NUP160: variants seen among roughly 807,000 people sequenced by gnomAD.
NUP160 encodes the protein nucleoporin 160.
NUP160 carries 94 observed loss-of-function variants against 196.9 expected under a neutral mutation model. The ratio of observed to expected loss-of-function variants is 0.48; its 90% CI spans 0.40 to 0.57. The LOEUF is 0.57. Ranked by LOEUF, NUP160 falls within the 20% of genes least tolerant of loss-of-function variation. The pLI is 0.00. For synonymous variants in NUP160, 605 were observed against 619.7 expected (o/e 0.98, Z 0.35); for missense variants, 1,638 against 1,748.3 (o/e 0.94, Z 1.13).
intron 15 of NUP160, 77 bp downstream of exon 15, chr11:47,812,805 T>C (rs756510770): frequency 5.9e-6 from 7 of 1,183,478 alleles, no homozygotes; most frequent in Non-Finnish European, 8.5e-6. Flanking sequence ...CTCTGGAACA[T>C]ACATTAAAAT....
intron 5 of NUP160, 99 bp downstream of exon 5, chr11:47,837,446 A>G: frequency 2.2e-6 from 2 of 896,828 alleles, no homozygotes; most frequent in Non-Finnish European, 3.7e-6. Context: ...TTTCCAGTAT[A>G]ATGTTTGCCT....
chr11:47,832,854 T>C (rs1852104013), intron 7 of NUP160, among the ~76,000 whole-genome samples: 2 of 152,184 alleles, frequency 1.3e-5, no homozygotes, highest in South Asian at 4.1e-4. Flanking sequence ...TGGATGAACC[T>C]TGAAAATATT....
chr11:47,815,126 G>A (rs2097683613), intron 13 of NUP160: 3 of 156,270 alleles, frequency 1.9e-5, no homozygotes, highest in African/African-American at 4.8e-5. Context: ...AGGTACTCAG[G>A]AGAATTGCTT....
At position 47,788,065 on chromosome 11, in the gene NUP160, T is replaced by G. The variant is rs2097665684; in HGVS notation, c.3746+117A>C. 5 of 911,228 alleles carry G rather than the reference T, an allele frequency of 5.5e-6. No homozygotes were observed. In the South Asian group the frequency reaches 8.7e-5, roughly 16 times the overall value. The allele number at this position is 911,228 out of a possible 1,614,324, so 56.4% of individuals were successfully genotyped here. On this transcript the variant is annotated intron_variant, in intron 31 of 35. Transcript: ENST00000378460. Reference sequence around the variant, plus strand: ...TGCTTGGATGGATTAAACAAAACACTTCTTCAAATCATAAATGATATATGG... The same window carrying G: ...TGCTTGGATGGATTAAACAAAACACGTCTTCAAATCATAAATGATATATGG...
intron 34 of NUP160, 129 bp from the exon 35 acceptor site, chr11:47,780,576 C>A (rs570345922): frequency 2.0e-6 from 1 of 510,904 alleles, no homozygotes. Context: ...CTTGTTCTGT[C>A]GCCCAGGCTG....
chr11:47,805,176 C>T (rs972947463), intron 20 of NUP160, among the ~76,000 whole-genome samples: 3 of 151,732 alleles, frequency 2.0e-5, no homozygotes, highest in African/African-American at 7.3e-5. Flanking sequence ...GTCGCCAGGG[C>T]TGGAGTGCAG....
chr11:47,840,571 G>A (rs1231246132), exon 3 of NUP160: 7 of 1,608,228 alleles, frequency 4.4e-6, no homozygotes, highest in Non-Finnish European at 6.0e-6. Flanking sequence ...CAGCTCCAAT[G>A]TATCTCCAGA....
At chr11:47,847,335 C>T (rs1391785210) in intron 2 of NUP160, among the ~76,000 whole-genome samples, 1 of 152,136 alleles carries the variant, frequency 6.6e-6, no homozygotes, top group Non-Finnish European at 1.5e-5. Flanking sequence ...TTATTAGCCT[C>T]TCATAACCCG....
At chr11:47,828,425 C>A (rs892406455) in intron 7 of NUP160, among the ~76,000 whole-genome samples, 9 of 152,030 alleles carry the variant, frequency 5.9e-5, no homozygotes, top group Non-Finnish European at 1.0e-4. Flanking sequence ...AGAAATTGAA[C>A]AAAAGTATAA....
At chr11:47,782,191 G>T (rs982452585) in intron 34 of NUP160, among the ~76,000 whole-genome samples, 1 of 150,010 alleles carries the variant, frequency 6.7e-6, no homozygotes, top group Admixed American at 6.7e-5. Flanking sequence ...GGCTGAGGCA[G>T]GAGAATCACT....
Position 47,786,450 on chromosome 11 carries a change from TACCTAG to T in NUP160, c.3845_3848+2del. ...TACCCAGGGTTGAACACCAGGGTTG[TACCTAG>T]ACTCCTTAGTAGTGATGACAGATGA... On this transcript the variant is annotated splice_donor_variant and coding_sequence_variant, in exon 32 of 36. Transcript: ENST00000378460. LOFTEE classifies it high-confidence loss of function. 6.2e-7 allele frequency: 1 copy of T among 1,603,674 alleles called. No individual in the cohort carries two copies.
At chr11:47,827,430 T>C (rs1851993532) in intron 7 of NUP160, among the ~76,000 whole-genome samples, 1 of 151,238 alleles carries the variant, frequency 6.6e-6, no homozygotes, top group East Asian at 1.9e-4. Context: ...AATTCACAGC[T>C]AGCATTATAC....
intron 28 of NUP160, 32 bp downstream of exon 28, chr11:47,792,754 C>T (rs756453629): frequency 6.4e-7 from 1 of 1,564,344 alleles, no homozygotes; most frequent in Non-Finnish European, 8.7e-7. Flanking sequence ...CCAGGATGAA[C>T]CCCCAAATTC....
chr11:47,838,958 C>G (rs1204845523), intron 4 of NUP160, among the ~76,000 whole-genome samples: 32 of 149,412 alleles, frequency 2.1e-4, no homozygotes, highest in Non-Finnish European at 4.2e-4. Context: ...GAGCTGAGAT[C>G]ATGCCACTGT....
chr11:47,812,381 G>A (rs781525051), exon 16 of NUP160: 1 of 1,613,648 alleles, frequency 6.2e-7, no homozygotes, highest in Non-Finnish European at 8.5e-7. Context: ...CATGGATTGG[G>A]TTCCTAATCT....
At chr11:47,837,656 A>G in intron 4 of NUP160, 33 bp from the exon 5 acceptor site, 1 of 1,538,040 alleles carries the variant, frequency 6.5e-7, no homozygotes, top group South Asian at 1.1e-5. Flanking sequence ...TCTTGAACAC[A>G]CTTAGAGAAA....
exon 1 of NUP160, chr11:47,848,225 T>C (rs1282251076): frequency 6.2e-7 from 1 of 1,614,168 alleles, no homozygotes; most frequent in Admixed American, 1.7e-5. Flanking sequence ...GTACCAATGC[T>C]GCAGACTGTG....
intron 13 of NUP160, among the ~76,000 whole-genome samples, chr11:47,814,375 T>C (rs999402217): frequency 1.3e-5 from 2 of 151,884 alleles, no homozygotes; most frequent in Admixed American, 6.6e-5. Flanking sequence ...AAACTCCGTC[T>C]CTATTAAAAA....
At chr11:47,848,036 G>A (rs896631516) in intron 1 of NUP160, 77 bp from the exon 2 acceptor site, 35 of 1,324,724 alleles carry the variant, frequency 2.6e-5, no homozygotes, top group South Asian at 3.5e-5. Context: ...ACAAAGCAGA[G>A]AGTGACAGAC....
Sources: allele counts gnomAD v4.1 joint callset (sites outside exome capture counted in the v4.1 genomes callset), GRCh38; gene constraint gnomAD v4.1.1; transcripts MANE v1.5; gene names NCBI Gene and HGNC (gene_info 2026-07-23, HGNC 2026-07-21).